The following HERC6 variants were observed in gnomAD, a reference collection of about 807,000 sequenced individuals.
HERC6 encodes probable E3 ubiquitin-protein ligase HERC6.
A neutral mutation model predicts 114.5 loss-of-function variants in HERC6; 101 were observed. The observed-to-expected ratio is 0.88, with a 90% confidence interval of 0.75 to 1.04. The LOEUF is 1.04. Among genes scored for constraint, HERC6 ranks in the 50% least tolerant of loss-of-function variants. HERC6 has a pLI of 0.00. For missense variants in HERC6, 1,133 were observed against 1,230.9 expected (o/e 0.92, Z 1.19); for synonymous variants, 408 against 436.2 (o/e 0.94, Z 0.81).
chr4:88,382,751 A>G (rs1170401716), intron 1 of HERC6, among the ~76,000 whole-genome samples: 1 of 152,230 alleles, frequency 6.6e-6, no homozygotes, highest in Non-Finnish European at 1.5e-5. Context: ...GGAACCTTTG[A>G]TAACGTGTTC....
At chr4:88,398,344 TG>T in intron 8 of HERC6, 135 bp downstream of exon 8, 1 of 457,864 alleles carries the variant, frequency 2.2e-6, no homozygotes, top group East Asian at 3.6e-5. Flanking sequence ...AGAATGCTTA[TG>T]AAAAAAATAT....
Position 88,428,575 on chromosome 4 carries a change from T to A in HERC6, c.1936-5T>A, listed in dbSNP as rs1249673919. On this transcript the variant is annotated splice_region_variant and splice_polypyrimidine_tract_variant and intron_variant, in intron 15 of 22. Coordinates refer to ENST00000264346, the MANE Select transcript of HERC6 (RefSeq NM_017912.4). ...AGAAGCCAACTAAAAAATTTATTTT[T>A]CCAGATGTCAGAAAAGAAAGCATAC... 6.4e-7 allele frequency: 1 copy of A among 1,572,448 alleles called. No homozygotes were observed. Among genetic ancestry groups the A allele is most frequent in the South Asian group, 1.2e-5 (1 of 82,088 alleles).
intron 20 of HERC6, among the ~76,000 whole-genome samples, chr4:88,438,224 G>T (rs1169061157): frequency 6.6e-6 from 1 of 151,712 alleles, no homozygotes; most frequent in Non-Finnish European, 1.5e-5. Context: ...AAAAGAAAAG[G>T]AGAAAGAATT....
Position 88,413,119 on chromosome 4 carries a change from T to C in HERC6, c.1411T>C (p.Cys471Arg), listed in dbSNP as rs748502017. 6.2e-7 allele frequency: 1 copy of C among 1,613,472 alleles called. No individual in the cohort carries two copies. Among genetic ancestry groups the C allele is most frequent in the Non-Finnish European group, 8.5e-7 (1 of 1,179,664 alleles). ...GGATGATCTGCTCAGAGCTCTTCCATGCCATTCTCCACACCAAGAAGCTTT... is the reference window on the plus strand; with the variant it reads ...GGATGATCTGCTCAGAGCTCTTCCACGCCATTCTCCACACCAAGAAGCTTT... ...LEDDLLRALPCHSPHQEALSV... is the reference protein window; with the variant it reads ...LEDDLLRALPRHSPHQEALSV... The change falls in exon 12 of 23, where the codon TGC becomes CGC. Residue 471 changes from cysteine to arginine, a missense_variant. By Grantham distance (180) the Cys-to-Arg change is radical. This residue lies in a region of HERC6 where 735 missense variants were observed against 754.0 expected (regional missense o/e 0.97). Coordinates refer to ENST00000264346, the MANE Select transcript of HERC6 (RefSeq NM_017912.4).
At chr4:88,397,352 T>C (rs928379553) in intron 7 of HERC6, among the ~76,000 whole-genome samples, 3 of 151,924 alleles carry the variant, frequency 2.0e-5, no homozygotes, top group Non-Finnish European at 4.4e-5. Flanking sequence ...CCTCAGGGGA[T>C]CCACCAGCCT....
chr4:88,408,165 C>T (rs1735899042), intron 10 of HERC6, among the ~76,000 whole-genome samples: 1 of 151,868 alleles, frequency 6.6e-6, no homozygotes, highest in Non-Finnish European at 1.5e-5. Flanking sequence ...TTGCAAAGTT[C>T]TGTAAATATG....
At chr4:88,382,801 G>GAA (rs1189579751) in intron 1 of HERC6, among the ~76,000 whole-genome samples, 4 of 152,136 alleles carry the variant, frequency 2.6e-5, no homozygotes, top group Non-Finnish European at 4.4e-5. Context: ...TGGTTAAAGT[G>GAA]GAAAGTCCCT....
intron 1 of HERC6, among the ~76,000 whole-genome samples, chr4:88,382,049 T>G (rs552182467): frequency 6.6e-6 from 1 of 152,300 alleles, no homozygotes; most frequent in Admixed American, 6.5e-5. Context: ...AACATGATAC[T>G]TAACCCCAAA....
intron 10 of HERC6, among the ~76,000 whole-genome samples, chr4:88,406,002 C>G (rs1017681521): frequency 1.3e-5 from 2 of 152,182 alleles, no homozygotes; most frequent in Non-Finnish European, 2.9e-5. Context: ...TTTATGTTGT[C>G]TTTAACTCAC....
At chr4:88,404,758 A>C (rs1374843000) in intron 8 of HERC6, 118 bp from the exon 9 acceptor site, 6 of 1,317,508 alleles carry the variant, frequency 4.6e-6, no homozygotes, top group African/African-American at 4.5e-5. Flanking sequence ...CCTCCCACCA[A>C]ATGCTACCAC....
chr4:88,405,915 C>T (rs775835351), intron 10 of HERC6, among the ~76,000 whole-genome samples: 11 of 152,166 alleles, frequency 7.2e-5, no homozygotes, highest in Admixed American at 2.0e-4. Flanking sequence ...CTAAATCTCA[C>T]ATTGCTTTAG....
intron 19 of HERC6, 26 bp downstream of exon 19, chr4:88,436,997 T>C (rs1465601439): frequency 1.9e-5 from 29 of 1,500,824 alleles, no homozygotes; most frequent in Non-Finnish European, 2.5e-5. Context: ...AGCCAAATTA[T>C]AGTTTAGCTT....
intron 4 of HERC6, among the ~76,000 whole-genome samples, chr4:88,392,499 T>C: frequency 6.6e-6 from 1 of 152,076 alleles, no homozygotes; most frequent in Non-Finnish European, 1.5e-5. Context: ...CAGTTTTTCT[T>C]ATCATCTCAA....
intron 19 of HERC6, 89 bp downstream of exon 19, chr4:88,437,060 C>CG: frequency 2.6e-6 from 2 of 757,400 alleles, no homozygotes; most frequent in Non-Finnish European, 3.9e-6. Context: ...TTTGGGATCC[C>CG]TTTTTTTTTT....
intron 1 of HERC6, among the ~76,000 whole-genome samples, chr4:88,379,670 AT>A (rs1311926669): frequency 1.3e-5 from 1 of 76,618 alleles, no homozygotes; most frequent in Non-Finnish European, 2.2e-5. Context: ...AATATATATA[AT>A]ATATAAATAT....
At chr4:88,403,890 A>G (rs1339379491) in intron 8 of HERC6, among the ~76,000 whole-genome samples, 1 of 152,212 alleles carries the variant, frequency 6.6e-6, no homozygotes, top group Non-Finnish European at 1.5e-5. Context: ...TAAGTATACA[A>G]TTTAGTGACA....
rs2149039243 is a variant in HERC6 at position 88,439,920 on chromosome 4, G to C, written c.2602G>C (p.Val868Leu). 1 of 1,570,890 alleles carries C rather than the reference G, an allele frequency of 6.4e-7. No individual in the cohort carries two copies. The highest frequency in any genetic ancestry group is 2.3e-5 in the East Asian group (1 of 42,770). The change falls in exon 21 of 23, where the codon GTA becomes CTA. Residue 868 changes from valine (V) to leucine (L), a missense_variant. This residue lies in a region of HERC6 where 388 missense variants were observed against 445.9 expected (regional missense o/e 0.87). Transcript: ENST00000264346. ...KYIDYIFNVS[V>L]KAVYEEFQRG... ...TATTGATTACATTTTCAACGTCTCT[G>C]TAAAAGCAGTTTATGAGGAATTTCA... is the stretch of plus-strand genomic sequence containing the variant.
At chr4:88,396,247 G>A in intron 6 of HERC6, 105 bp downstream of exon 6, 1 of 949,972 alleles carries the variant, frequency 1.1e-6, no homozygotes, top group East Asian at 3.1e-5. Flanking sequence ...TAAAATTCCT[G>A]CCTGAAAATT....
intron 8 of HERC6, chr4:88,398,891 C>T (rs919356252): frequency 1.3e-5 from 2 of 152,110 alleles, no homozygotes; most frequent in East Asian, 1.9e-4. Context: ...GATGAAAAAA[C>T]GGAGTCTCAG....
Sources: gnomAD v4.1 joint callset for allele counts (sites outside exome capture counted in the v4.1 genomes callset) on GRCh38, gnomAD v4.1.1 for gene constraint, gnomAD v4.1.1 regional missense constraint, MANE v1.5 for transcripts, NCBI Gene and HGNC (gene_info 2026-07-23, HGNC 2026-07-21) for gene names.